LSM12: variants seen among roughly 807,000 people sequenced by gnomAD.
The protein encoded by LSM12 is protein LSM12.
For missense variants in LSM12, 108 were observed against 238.9 expected (o/e 0.45, Z 3.61); for synonymous variants, 74 against 87.3 (o/e 0.85, Z 0.85).
chr17:44,046,754 T>A (rs1289549633), intron 2 of LSM12, among the ~76,000 whole-genome samples: 1 of 118,102 alleles, frequency 8.5e-6, no homozygotes, highest in East Asian at 2.1e-4. Context: ...TTTCTTTTTT[T>A]TTTTCTTTTT....
intron 2 of LSM12, among the ~76,000 whole-genome samples, chr17:44,040,775 C>A (rs1217057920): frequency 1.3e-5 from 2 of 150,670 alleles, no homozygotes; most frequent in East Asian, 1.9e-4. Context: ...GAGGTCAAGA[C>A]CAGCCTGGCC....
intron 2 of LSM12, among the ~76,000 whole-genome samples, chr17:44,045,207 T>C (rs1048948010): frequency 6.6e-6 from 1 of 151,986 alleles, no homozygotes; most frequent in Non-Finnish European, 1.5e-5. Context: ...TTTGTATTTT[T>C]AGTAGAGACA....
In LSM12 at chr17:44,034,706, C is replaced by A. The variant is rs2049397133; in HGVS notation, c.*1502G>T. On this transcript the variant is annotated 3_prime_UTR_variant, in exon 5 of 5. Coordinates refer to ENST00000293406, the MANE Select transcript of LSM12 (RefSeq NM_001371445.1). ...TAAAAAAAAAATTTCATTTTGAAGG[C>A]AGGGCTTGAATTATTTAATTTGATC... 6.8e-6 allele frequency: 1 copy of A among 146,064 alleles called. No homozygotes were observed. The allele number at this position is 146,064 out of a possible 1,614,324, so 9.0% of individuals were successfully genotyped here.
intron 1 of LSM12, among the ~76,000 whole-genome samples, chr17:44,065,759 A>G (rs776744702): frequency 6.6e-6 from 1 of 152,002 alleles, no homozygotes; most frequent in Non-Finnish European, 1.5e-5. Context: ...CACATCCCCA[A>G]ACCACATAAG....
At position 44,036,207 on chromosome 17, in the gene LSM12, C is replaced by T; in HGVS notation, c.*1G>A. 3.7e-6 allele frequency: 6 copies of T among 1,612,242 alleles called. No homozygotes were observed. Among genetic ancestry groups the T allele is most frequent in the Non-Finnish European group, 5.1e-6 (6 of 1,179,642 alleles). ...TGGAAGAGTCCTCCATGTGTACGGA[C>T]TCAGGATGACAGGGCAGCCTCCTTC... On this transcript the variant is annotated 3_prime_UTR_variant, in exon 5 of 5. Coordinates refer to ENST00000293406, the MANE Select transcript of LSM12 (RefSeq NM_001371445.1).
rs546374526 is a variant in LSM12 at position 44,034,618 on chromosome 17, C to T, written c.*1590G>A. 6.6e-6 allele frequency: 1 copy of T among 152,506 alleles called. No individual in the cohort carries two copies. Among genetic ancestry groups the T allele is most frequent in the East Asian group, 1.9e-4 (1 of 5,188 alleles). 9.4% of individuals were successfully genotyped at this position (152,506 alleles called of 1,614,324 possible). ...TCCCCTGGGGCCTCTGAAGGACGCA[C>T]AAACCTGAGACATGAGTGATGGTTA... On this transcript the variant is annotated 3_prime_UTR_variant, in exon 5 of 5. Coordinates refer to ENST00000293406, the MANE Select transcript of LSM12 (RefSeq NM_001371445.1).
chr17:44,047,120 G>A (rs889329385), intron 2 of LSM12, among the ~76,000 whole-genome samples: 8 of 152,162 alleles, frequency 5.3e-5, no homozygotes, highest in African/African-American at 1.9e-4. Context: ...CAGAAGTATA[G>A]CAGTTTCACA....
chr17:44,052,792 CTATT>C (rs1490545345), intron 2 of LSM12, among the ~76,000 whole-genome samples: 1 of 149,502 alleles, frequency 6.7e-6, no homozygotes, highest in Non-Finnish European at 1.5e-5. Flanking sequence ...AATAAATAAT[CTATT>C]TATATTTTAT....
rs1394968365 is a variant in LSM12 at position 44,066,632 on chromosome 17, G to T, written c.-45C>A. On this transcript the variant is annotated 5_prime_UTR_variant, in exon 1 of 5. Transcript: ENST00000293406. ...CCGGCGGCGGCGGCGGCAGCAGCGG[G>T]CGAAAGCCGGGCCCCCAGTGAGCGC... is the stretch of plus-strand genomic sequence containing the variant. 1 of 1,306,366 alleles carries T rather than the reference G, an allele frequency of 7.7e-7. No individual in the cohort carries two copies. Among genetic ancestry groups the T allele is most frequent in the East Asian group, 3.2e-5 (1 of 31,298 alleles). The allele number at this position is 1,306,366 out of a possible 1,614,324, so 80.9% of individuals were successfully genotyped here. A position where few individuals can be genotyped will look rare whatever the true frequency, so the allele number is the denominator to read the frequency against.
intron 2 of LSM12, among the ~76,000 whole-genome samples, chr17:44,044,951 A>G (rs984092938): frequency 1.5e-4 from 23 of 152,216 alleles, no homozygotes; most frequent in African/African-American, 5.3e-4. Flanking sequence ...GAGAGAACCA[A>G]TAAAAGCTGC....
chr17:44,038,277 C>T (rs765505355), intron 3 of LSM12, among the ~76,000 whole-genome samples: 6 of 149,536 alleles, frequency 4.0e-5, no homozygotes, highest in South Asian at 2.1e-4. Flanking sequence ...TCACCAGAGC[C>T]GGGGAGATTG....
intron 2 of LSM12, among the ~76,000 whole-genome samples, chr17:44,046,542 C>T (rs1211790779): frequency 6.7e-6 from 1 of 150,366 alleles, no homozygotes; most frequent in African/African-American, 2.4e-5. Flanking sequence ...CCCGTCTCTA[C>T]TAAAAATGCA....
At chr17:44,062,444 C>T (rs1174781049) in intron 2 of LSM12, among the ~76,000 whole-genome samples, 1 of 152,094 alleles carries the variant, frequency 6.6e-6, no homozygotes, top group East Asian at 1.9e-4. Context: ...GGAAGACGTG[C>T]CATTTAACTG....
intron 1 of LSM12, among the ~76,000 whole-genome samples, chr17:44,064,135 A>C (rs1343508485): frequency 6.6e-6 from 1 of 152,178 alleles, no homozygotes; most frequent in African/African-American, 2.4e-5. Context: ...AAGCTTCCAA[A>C]GGAGTTCTGT....
At chr17:44,062,239 A>AG (rs1413211396) in intron 2 of LSM12, among the ~76,000 whole-genome samples, 1 of 151,788 alleles carries the variant, frequency 6.6e-6, no homozygotes, top group East Asian at 1.9e-4. Flanking sequence ...AAAAAAAAAA[A>AG]AAAAGCTATG....
At chr17:44,053,547 A>G (rs1454627445) in intron 2 of LSM12, among the ~76,000 whole-genome samples, 1 of 152,138 alleles carries the variant, frequency 6.6e-6, no homozygotes, top group East Asian at 1.9e-4. Flanking sequence ...TCATCCTGGC[A>G]TTTCCCAGCA....
At chr17:44,062,174 A>C (rs965029234) in intron 2 of LSM12, among the ~76,000 whole-genome samples, 1 of 139,250 alleles carries the variant, frequency 7.2e-6, no homozygotes. Flanking sequence ...GTGAGCTGAG[A>C]TGGCGCCACT....
In LSM12 at chr17:44,041,338, C is replaced by A. The variant is rs1311556640; in HGVS notation, c.259-1082G>T. ...ACACACACACACACACACACAAACA[C>A]ACACACACACACAGAATTTCCATTC... On this transcript the variant is annotated intron_variant, in intron 2 of 4. Transcript: ENST00000293406. Among the ~76,000 whole-genome samples the A allele has an allele frequency of 8.1e-5, 12 of 148,674 alleles. No individual in the cohort carries two copies. In the South Asian group the frequency reaches 2.1e-3, roughly 26 times the overall value.
At chr17:44,060,022 G>C (rs1039218186) in intron 2 of LSM12, among the ~76,000 whole-genome samples, 1 of 151,832 alleles carries the variant, frequency 6.6e-6, no homozygotes, top group Admixed American at 6.6e-5. Flanking sequence ...AAAATTAGCC[G>C]GACATGGTGG....
Sources: gnomAD v4.1 joint callset for allele counts (sites outside exome capture counted in the v4.1 genomes callset) on GRCh38, gnomAD v4.1.1 for gene constraint, MANE v1.5 for transcripts, NCBI Gene and HGNC (gene_info 2026-07-23, HGNC 2026-07-21) for gene names.